NFIA: variants seen among roughly 807,000 people sequenced by gnomAD.
NFIA encodes the protein nuclear factor 1 A-type.
A neutral mutation model predicts 62.8 loss-of-function variants in NFIA; 8 were observed. The ratio of observed to expected loss-of-function variants is 0.13; its 90% CI spans 0.07 to 0.23. The LOEUF is 0.23. NFIA is among the 10% of genes least tolerant of loss of function. NFIA has a pLI of 1.00. For missense variants in NFIA, 410 were observed against 642.1 expected, an observed-to-expected ratio of 0.64 and a Z score of 3.91; for synonymous variants, 235 against 238.1, an observed-to-expected ratio of 0.99 and a Z score of 0.12.
intron 2 of NFIA, among the ~76,000 whole-genome samples, chr1:61,122,394 C>A (rs2100472773): frequency 6.6e-6 from 1 of 152,278 alleles, no homozygotes; most frequent in Admixed American, 6.5e-5. Flanking sequence ...AAGTTTTAGA[C>A]TAACTTGCAT....
chr1:61,460,452 G>A lies in NFIA; in HGVS notation c.*5132G>A, dbSNP rs1306309095. 2 of 152,192 alleles carry A rather than the reference G, an allele frequency of 1.3e-5. No individual in the cohort carries two copies. Among genetic ancestry groups the A allele is most frequent in the East Asian group, 3.9e-4 (2 of 5,194 alleles). 9.4% of individuals were successfully genotyped at this position (152,192 alleles called of 1,614,324 possible). On this transcript the variant is annotated 3_prime_UTR_variant, in exon 11 of 11. Transcript: ENST00000403491. The stretch of plus-strand genomic sequence containing the variant: ...GGCTGACAAAATGATTTACACAAAT[G>A]TGACAACTTGGGCTCAATTCACTCT...
intron 2 of NFIA, among the ~76,000 whole-genome samples, chr1:61,126,895 G>A (rs188436175): frequency 4.3e-5 from 6 of 140,160 alleles, no homozygotes; most frequent in Non-Finnish European, 1.5e-5. Flanking sequence ...AGTGATTATC[G>A]TGCCTCAGCC....
intron 2 of NFIA, among the ~76,000 whole-genome samples, chr1:61,229,259 C>T (rs1384762387): frequency 1.3e-5 from 2 of 151,966 alleles, no homozygotes; most frequent in African/African-American, 2.4e-5. Flanking sequence ...TAAAGATATT[C>T]TTAGAAAGAT....
intron 5 of NFIA, among the ~76,000 whole-genome samples, chr1:61,357,949 A>G (rs1451980443): frequency 1.3e-5 from 2 of 152,210 alleles, no homozygotes; most frequent in African/African-American, 4.8e-5. Flanking sequence ...TACAGCAAGC[A>G]TAGCAGCAGG....
intron 3 of NFIA, among the ~76,000 whole-genome samples, chr1:61,327,754 A>G (rs935751374): frequency 3.9e-5 from 6 of 151,950 alleles, no homozygotes; most frequent in Non-Finnish European, 8.8e-5. Flanking sequence ...TGATATATTG[A>G]CTTCTTTTCC....
intron 8 of NFIA, 140 bp from the exon 9 acceptor site, chr1:61,406,422 G>A (rs1569789261): frequency 1.3e-5 from 10 of 744,564 alleles, no homozygotes; most frequent in East Asian, 5.7e-5. Flanking sequence ...TGGGCTTATG[G>A]AAGAATTGAA....
At chr1:61,372,452 C>A (rs568998801) in intron 6 of NFIA, among the ~76,000 whole-genome samples, 1 of 151,924 alleles carries the variant, frequency 6.6e-6, no homozygotes, top group Non-Finnish European at 1.5e-5. Flanking sequence ...AAACAGCCTG[C>A]TAATCCCTCT....
chr1:61,185,372 A>AG (rs1557621811), intron 2 of NFIA, among the ~76,000 whole-genome samples: 1 of 152,202 alleles, frequency 6.6e-6, no homozygotes, highest in Non-Finnish European at 1.5e-5. Context: ...AAGGAAAAAA[A>AG]GGGGAATATC....
intron 2 of NFIA, among the ~76,000 whole-genome samples, chr1:61,156,437 G>T (rs1042312431): frequency 6.6e-6 from 1 of 152,144 alleles, no homozygotes; most frequent in Non-Finnish European, 1.5e-5. Flanking sequence ...AGGCACCAGG[G>T]CAGTAATCAT....
rs141885340 is a variant in NFIA at position 61,131,857 on chromosome 1, G to T, written c.559+43177G>T. 5.3e-5 allele frequency among the ~76,000 whole-genome samples: 8 copies of T among 152,176 alleles called. No homozygotes were observed. The East Asian group carries it at 1.5e-3, about 29-fold the overall frequency. On this transcript the variant is annotated intron_variant, in intron 2 of 10. Transcript: ENST00000403491. ...CTGTTTTTCATACATTGAAGCCTGG[G>T]AAAGCTCTGTTACTGTTAAAAGAGT...
chr1:61,369,489 C>T (rs1423619628), intron 6 of NFIA, among the ~76,000 whole-genome samples: 1 of 152,010 alleles, frequency 6.6e-6, no homozygotes, highest in African/African-American at 2.4e-5. Context: ...CCATGTTTTC[C>T]TATATCTAAT....
intron 2 of NFIA, among the ~76,000 whole-genome samples, chr1:61,097,297 A>G (rs1271417725): frequency 6.6e-6 from 1 of 152,180 alleles, no homozygotes; most frequent in African/African-American, 2.4e-5. Flanking sequence ...GAGCATGTGT[A>G]TTCATATAAA....
At chr1:61,370,965 C>T (rs1435987339) in intron 6 of NFIA, among the ~76,000 whole-genome samples, 1 of 152,166 alleles carries the variant, frequency 6.6e-6, no homozygotes, top group Non-Finnish European at 1.5e-5. Context: ...GAAGGGTCTT[C>T]CCTGCCCCTG....
intron 2 of NFIA, among the ~76,000 whole-genome samples, chr1:61,149,362 C>T (rs551521450): frequency 6.6e-6 from 1 of 152,336 alleles, no homozygotes; most frequent in South Asian, 2.1e-4. Context: ...GTCTTTTCTA[C>T]TACACTTCTT....
chr1:61,077,981 C>T (rs1646052593), upstream of NFIA, among the ~76,000 whole-genome samples: 1 of 151,406 alleles, frequency 6.6e-6, no homozygotes, highest in South Asian at 2.1e-4. Context: ...TAAAAGACGT[C>T]TGGCCTCAGC....
intron 2 of NFIA, chr1:61,249,080 G>T (rs1655840376): frequency 6.6e-6 from 1 of 152,142 alleles, no homozygotes; most frequent in South Asian, 2.1e-4. Flanking sequence ...TGTCTTGAAA[G>T]GAAGGCATCC....
intron 4 of NFIA, among the ~76,000 whole-genome samples, chr1:61,344,761 T>C (rs554925640): frequency 6.6e-6 from 1 of 152,360 alleles, no homozygotes; most frequent in South Asian, 2.1e-4. Context: ...ATTTCGTTAA[T>C]GCTCCCTGCT....
intron 10 of NFIA, among the ~76,000 whole-genome samples, chr1:61,430,222 G>T (rs1569858899): frequency 6.6e-6 from 1 of 152,320 alleles, no homozygotes; most frequent in East Asian, 1.9e-4. Flanking sequence ...TGACTGCTCA[G>T]AAAAGCACTA....
chr1:61,333,009 T>C (rs1661375903), intron 4 of NFIA, among the ~76,000 whole-genome samples: 1 of 151,504 alleles, frequency 6.6e-6, no homozygotes, highest in African/African-American at 2.4e-5. Flanking sequence ...GCCCATTCAA[T>C]TGATTGTAGT....
Sources: allele counts gnomAD v4.1 joint callset (sites outside exome capture counted in the v4.1 genomes callset), GRCh38; gene constraint gnomAD v4.1.1; transcripts MANE v1.5; gene names NCBI Gene and HGNC (gene_info 2026-07-23, HGNC 2026-07-21).